The following CADM2 variants were observed in gnomAD, a reference collection of about 807,000 sequenced individuals.
CADM2 encodes immunoglobulin superfamily member 4D.
Under a neutral mutation model 49.8 loss-of-function variants are expected in CADM2, and 12 were observed. The observed-to-expected ratio is 0.24, with a 90% CI of 0.15 to 0.39. The LOEUF is 0.39. Ranked by LOEUF, CADM2 falls within the 10% of genes least tolerant of loss-of-function variation. The probability of loss-of-function intolerance (pLI) is 1.00; values close to 1 mark genes in which losing one functional copy is unlikely to be tolerated. For synonymous variants in CADM2, 214 were observed against 175.4 expected (o/e 1.22, Z -1.74); for missense variants, 378 against 492.3 (o/e 0.77, Z 2.20).
At chr3:85,391,526 A>C (rs2034517885) in intron 1 of CADM2, among the ~76,000 whole-genome samples, 1 of 152,058 alleles carries the variant, frequency 6.6e-6, no homozygotes, top group Non-Finnish European at 1.5e-5. Flanking sequence ...GAGACCGAAG[A>C]CTCATATGTA....
intron 1 of CADM2, among the ~76,000 whole-genome samples, chr3:85,413,168 A>AAC: frequency 1.1e-5 from 1 of 91,684 alleles, no homozygotes; most frequent in African/African-American, 3.1e-5. Context: ...AAAAAATAAT[A>AAC]ATAATAATAA....
intron 3 of CADM2, among the ~76,000 whole-genome samples, chr3:85,864,182 T>C (rs184519221): frequency 3.1e-4 from 47 of 152,318 alleles, no homozygotes; most frequent in African/African-American, 7.0e-4. Context: ...ATAAAATACT[T>C]TTATGCCTTC....
At chr3:85,445,026 T>C (rs749708219) in intron 1 of CADM2, among the ~76,000 whole-genome samples, 7 of 152,144 alleles carry the variant, frequency 4.6e-5, no homozygotes, top group Non-Finnish European at 8.8e-5. Flanking sequence ...AACAATGTCA[T>C]CATTATCATG....
intron 1 of CADM2, among the ~76,000 whole-genome samples, chr3:85,599,140 C>T (rs902977477): frequency 4.6e-5 from 7 of 151,688 alleles, no homozygotes; most frequent in African/African-American, 1.7e-4. Context: ...AAGGAAGATA[C>T]CTGGTTTCTT....
At chr3:85,872,979 C>G (rs1400671989) in intron 3 of CADM2, among the ~76,000 whole-genome samples, 3 of 152,128 alleles carry the variant, frequency 2.0e-5, no homozygotes, top group African/African-American at 7.2e-5. Flanking sequence ...TTTACAAACA[C>G]TAGAAATTCA....
At chr3:85,003,388 T>C (rs2033568942) in intron 1 of CADM2, among the ~76,000 whole-genome samples, 1 of 152,168 alleles carries the variant, frequency 6.6e-6, no homozygotes, top group South Asian at 2.1e-4. Flanking sequence ...AAAAATCTTA[T>C]ATTTTTAGGA....
chr3:85,565,986 G>A (rs1413093846), intron 1 of CADM2, among the ~76,000 whole-genome samples: 2 of 151,954 alleles, frequency 1.3e-5, no homozygotes, highest in African/African-American at 4.8e-5. Flanking sequence ...ATAGTGGCAC[G>A]CTTTAATAAA....
chr3:85,266,103 T>C (rs1234760271), intron 1 of CADM2, among the ~76,000 whole-genome samples: 1 of 151,916 alleles, frequency 6.6e-6, no homozygotes, highest in Non-Finnish European at 1.5e-5. Flanking sequence ...TCTCGATTCT[T>C]CATCACGCTA....
intron 8 of CADM2, among the ~76,000 whole-genome samples, chr3:85,998,774 C>G (rs1729751490): frequency 6.6e-6 from 1 of 151,924 alleles, no homozygotes; most frequent in Admixed American, 6.6e-5. Flanking sequence ...GACAAGAAGC[C>G]ATTGGAGAAA....
chr3:85,019,778 T>C (rs2034415177), intron 1 of CADM2, among the ~76,000 whole-genome samples: 1 of 152,162 alleles, frequency 6.6e-6, no homozygotes, highest in Admixed American at 6.5e-5. Context: ...GCAGGCCAAT[T>C]ATAAGTTATC....
intron 6 of CADM2, among the ~76,000 whole-genome samples, chr3:85,916,164 G>A (rs966512325): frequency 2.6e-5 from 4 of 151,910 alleles, no homozygotes; most frequent in Non-Finnish European, 5.9e-5. Flanking sequence ...TATGATGAAA[G>A]AGAGTTCTCT....
intron 1 of CADM2, among the ~76,000 whole-genome samples, chr3:85,267,605 T>A (rs2043149297): frequency 6.6e-6 from 1 of 151,672 alleles, no homozygotes; most frequent in South Asian, 2.1e-4. Flanking sequence ...GTAAGTTCCA[T>A]GATGGCAGGG....
At chr3:85,535,577 CCTTTGAAGGAGTTTGTT>C (rs2061406744) in intron 1 of CADM2, among the ~76,000 whole-genome samples, 1 of 152,080 alleles carries the variant, frequency 6.6e-6, no homozygotes, top group Non-Finnish European at 1.5e-5. Context: ...GATGCCATCC[CCTTTGAAGGAGTTTGTT>C]TCCTCTTGTC....
chr3:85,528,563 C>G (rs1378000022), intron 1 of CADM2, among the ~76,000 whole-genome samples: 1 of 152,164 alleles, frequency 6.6e-6, no homozygotes, highest in East Asian at 1.9e-4. Context: ...GTAAGCATAA[C>G]CCTCTTCTAA....
chr3:85,414,587 A>T (rs1183063489), intron 1 of CADM2, among the ~76,000 whole-genome samples: 1 of 152,048 alleles, frequency 6.6e-6, no homozygotes, highest in Non-Finnish European at 1.5e-5. Flanking sequence ...CTAAATGATT[A>T]GTGTTCAATC....
intron 1 of CADM2, among the ~76,000 whole-genome samples, chr3:85,022,940 A>G (rs1220281791): frequency 6.6e-6 from 1 of 152,012 alleles, no homozygotes; most frequent in Non-Finnish European, 1.5e-5. Context: ...TGAATCCCAA[A>G]TTTCTGCAAA....
chr3:85,901,234 G>A (rs73147168), intron 5 of CADM2, among the ~76,000 whole-genome samples: 10,270 of 152,042 alleles, frequency 0.068, 638 homozygotes, highest in African/African-American at 0.15. Flanking sequence ...AACATAAAAA[G>A]ACATTAGATC....
intron 1 of CADM2, among the ~76,000 whole-genome samples, chr3:85,332,716 T>A (rs1007762555): frequency 6.6e-6 from 1 of 151,990 alleles, no homozygotes; most frequent in African/African-American, 2.4e-5. Context: ...CCATACATTT[T>A]AAGTTTTCTG....
intron 1 of CADM2, among the ~76,000 whole-genome samples, chr3:85,359,548 C>A (rs962359182): frequency 6.8e-6 from 1 of 147,054 alleles, no homozygotes; most frequent in South Asian, 2.2e-4. Flanking sequence ...TAAGGCAACC[C>A]TGAAGTGATA....
Sources: allele counts gnomAD v4.1 joint callset (sites outside exome capture counted in the v4.1 genomes callset), GRCh38; gene constraint gnomAD v4.1.1; transcripts MANE v1.5; gene names NCBI Gene and HGNC (gene_info 2026-07-23, HGNC 2026-07-21).